The following ZNF654 variants were observed in gnomAD, a reference collection of about 807,000 sequenced individuals.
ZNF654 encodes melanoma-associated antigen.
ZNF654 carries 19 observed loss-of-function variants against 95.3 expected under a neutral mutation model. The observed-to-expected ratio is 0.20, with a 90% CI of 0.14 to 0.29. ZNF654 has a LOEUF of 0.29. Among genes scored for constraint, ZNF654 ranks in the 10% least tolerant of loss-of-function variants. ZNF654 has a pLI of 1.00. For synonymous variants in ZNF654, 413 were observed against 457.9 expected (o/e 0.90, Z 1.25); for missense variants, 1,046 against 1,341.0 (o/e 0.78, Z 3.44).
At position 88,087,629 on chromosome 3, in the gene ZNF654, T is replaced by C. The variant is rs138325221; in HGVS notation, c.332+1227T>C. ...GCGGAGCAAGTCACAGCTTCATCTG[T>C]TATTTATTTATACCTCAAATTGTAC... On this transcript the variant is annotated intron_variant, in intron 2 of 8. Coordinates refer to ENST00000636215, the MANE Select transcript of ZNF654 (RefSeq NM_001350134.2). 2.3e-3 allele frequency among the ~76,000 whole-genome samples: 353 copies of C among 152,356 alleles called. 2 individuals carry two copies. The highest frequency in any genetic ancestry group is 7.9e-3 in the African/African-American group (327 of 41,576).
intron 1 of ZNF654, among the ~76,000 whole-genome samples, chr3:88,070,429 C>CT (rs928226050): frequency 2.3e-4 from 34 of 145,434 alleles, no homozygotes; most frequent in East Asian, 1.6e-3. Flanking sequence ...ATCCAAATTT[C>CT]TTTTTTTTTT....
At position 88,143,919 on chromosome 3, in the gene ZNF654, T is replaced by C. The variant is rs551431283; in HGVS notation, c.*2267T>C. On this transcript the variant is annotated 3_prime_UTR_variant, in exon 9 of 9. Coordinates refer to ENST00000636215, the MANE Select transcript of ZNF654 (RefSeq NM_001350134.2). Reference sequence around the variant, plus strand: ...ACATAAACCTACATCATTTTGCTTTTATAGGGTGCATAAACTTCCAACAGT... The same window carrying C: ...ACATAAACCTACATCATTTTGCTTTCATAGGGTGCATAAACTTCCAACAGT... 6.6e-6 allele frequency: 1 copy of C among 152,174 alleles called. No homozygotes were observed. The highest frequency in any genetic ancestry group is 2.1e-4 in the South Asian group (1 of 4,826). The allele number at this position is 152,174 out of a possible 1,614,324, so 9.4% of individuals were successfully genotyped here.
At chr3:88,095,852 C>G (rs1442203142) in intron 2 of ZNF654, 1 of 459,364 alleles carries the variant, frequency 2.2e-6, no homozygotes, top group Non-Finnish European at 4.2e-6. Context: ...AAAAGCCTTT[C>G]CACTTCAGCA....
In ZNF654 at chr3:88,086,395, C is replaced by T. The variant is rs1338941470; in HGVS notation, c.325C>T (p.Leu109Phe). 1 of 1,523,806 alleles carries T rather than the reference C, an allele frequency of 6.6e-7. No individual in the cohort carries two copies. Among genetic ancestry groups the T allele is most frequent in the African/African-American group, 1.4e-5 (1 of 72,786 alleles). The allele number at this position is 1,523,806 out of a possible 1,614,324, so 94.4% of individuals were successfully genotyped here. ...CEHVQYVLSS[L>F]AVSFFELLLF... ...GCATGTACAATATGTTTTGAGTAGC[C>T]TTGCTGTGTAAGTACTTTTTACTTC... is the stretch of plus-strand genomic sequence containing the variant. Residue 109 changes from leucine to phenylalanine, a missense_variant, in exon 2 of 9, where the codon CTT (leucine) becomes TTT (phenylalanine). Coordinates refer to ENST00000636215, the MANE Select transcript of ZNF654 (RefSeq NM_001350134.2).
At position 88,144,003 on chromosome 3, in the gene ZNF654, T is replaced by C. The variant is rs1707245242; in HGVS notation, c.*2351T>C. ...TGCTTCTTATTCCTCAGATTCTTCT[T>C]TTTTTCTGTTTTGAGGATGTATTCA... On this transcript the variant is annotated 3_prime_UTR_variant, in exon 9 of 9. Coordinates refer to ENST00000636215, the MANE Select transcript of ZNF654 (RefSeq NM_001350134.2). The C allele has an allele frequency of 6.6e-6, 1 of 152,332 alleles. No homozygotes were observed. Among genetic ancestry groups the C allele is most frequent in the South Asian group, 2.1e-4 (1 of 4,830 alleles). The allele number at this position is 152,332 out of a possible 1,614,324, so 9.4% of individuals were successfully genotyped here.
chr3:88,059,562 C>T (rs1706719341), intron 1 of ZNF654, 57 bp downstream of exon 1: 1 of 1,444,652 alleles, frequency 6.9e-7, no homozygotes, highest in Non-Finnish European at 9.0e-7. Flanking sequence ...CTCTCTGCGT[C>T]TCCTGGTCTT....
rs972256062 is a variant in ZNF654 at position 88,059,284 on chromosome 3, C to G, written c.-36C>G. On this transcript the variant is annotated 5_prime_UTR_variant, in exon 1 of 9. Transcript: ENST00000636215. ...TAGGCATCTACGGCGGCGGCGGCGG[C>G]GCAGGGGCTGGTACGCGCTGGGCGG... 3.3e-6 allele frequency: 5 copies of G among 1,532,064 alleles called. No homozygotes were observed. The highest frequency in any genetic ancestry group is 4.4e-6 in the Non-Finnish European group (5 of 1,146,062). 94.9% of individuals were successfully genotyped at this position (1,532,064 alleles called of 1,614,324 possible). A position where few individuals can be genotyped will look rare whatever the true frequency, so the allele number is the denominator to read the frequency against.
chr3:88,112,303 TTAGG>T (rs1483583883), intron 2 of ZNF654, among the ~76,000 whole-genome samples: 8 of 151,942 alleles, frequency 5.3e-5, no homozygotes, highest in South Asian at 2.1e-4. Flanking sequence ...AAAAACAACT[TTAGG>T]TAGTTACACT....
At chr3:88,077,434 T>G (rs556173489) in intron 1 of ZNF654, among the ~76,000 whole-genome samples, 1 of 151,028 alleles carries the variant, frequency 6.6e-6, no homozygotes, top group African/African-American at 2.4e-5. Flanking sequence ...CCGGGTTCAC[T>G]CCACTCTCCT....
At chr3:88,136,128 C>T (rs1369439919) in intron 7 of ZNF654, among the ~76,000 whole-genome samples, 4 of 152,024 alleles carry the variant, frequency 2.6e-5, no homozygotes, top group African/African-American at 7.2e-5. Flanking sequence ...TTACAGAACA[C>T]GTCTTAACAT....
At chr3:88,108,715 C>A in intron 2 of ZNF654, among the ~76,000 whole-genome samples, 1 of 151,970 alleles carries the variant, frequency 6.6e-6, no homozygotes, top group Non-Finnish European at 1.5e-5. Context: ...TCAGGTAACC[C>A]TTATTTTACT....
At chr3:88,123,219 T>C (rs1450846637) in intron 3 of ZNF654, among the ~76,000 whole-genome samples, 2 of 152,128 alleles carry the variant, frequency 1.3e-5, no homozygotes, top group Non-Finnish European at 2.9e-5. Flanking sequence ...CTTTCTTCCT[T>C]TGTCTTTTTA....
Position 88,140,820 on chromosome 3 carries a change from T to C in ZNF654, c.3151T>C (p.Leu1051=), listed in dbSNP as rs371323682. The change falls in exon 8 of 9, where the codon TTG becomes CTG. Residue 1051 remains leucine (L), a synonymous_variant. Coordinates refer to ENST00000636215, the MANE Select transcript of ZNF654 (RefSeq NM_001350134.2). ...TTTAACAAAACCATACGTCAGACCA[T>C]TGCCTCCCAGTTACCTTGATGAACG... ...LILTKPYVRP[L]PPSYLDERYL... 2.5e-6 allele frequency: 4 copies of C among 1,613,630 alleles called. No homozygotes were observed. The highest frequency in any genetic ancestry group is 2.5e-6 in the Non-Finnish European group (3 of 1,179,702).
intron 2 of ZNF654, among the ~76,000 whole-genome samples, chr3:88,106,001 T>C (rs1444615933): frequency 6.6e-6 from 1 of 152,186 alleles, no homozygotes; most frequent in Non-Finnish European, 1.5e-5. Flanking sequence ...TCTAGCCTTC[T>C]TCCTCTCCAG....
intron 1 of ZNF654, among the ~76,000 whole-genome samples, chr3:88,085,594 T>C (rs754345159): frequency 1.3e-5 from 2 of 152,220 alleles, no homozygotes; most frequent in Non-Finnish European, 2.9e-5. Flanking sequence ...TTGATGTTTC[T>C]AAAATGTTTT....
chr3:88,127,053 A>T (rs766553224), intron 4 of ZNF654, among the ~76,000 whole-genome samples: 3 of 152,100 alleles, frequency 2.0e-5, no homozygotes, highest in Non-Finnish European at 4.4e-5. Flanking sequence ...AACATTTTGG[A>T]TCACCAAAAC....
intron 2 of ZNF654, among the ~76,000 whole-genome samples, chr3:88,089,244 CA>C (rs1211016868): frequency 6.8e-6 from 1 of 147,228 alleles, no homozygotes; most frequent in Non-Finnish European, 1.5e-5. Context: ...GTAATCCCAG[CA>C]CTTTGGGAGG....
At chr3:88,107,574 T>C (rs1158576759) in intron 2 of ZNF654, among the ~76,000 whole-genome samples, 1 of 152,184 alleles carries the variant, frequency 6.6e-6, no homozygotes, top group Non-Finnish European at 1.5e-5. Context: ...AGTTAATGTC[T>C]TTGCCACATT....
chr3:88,110,440 C>T (rs1489845984), intron 2 of ZNF654, among the ~76,000 whole-genome samples: 1 of 152,046 alleles, frequency 6.6e-6, no homozygotes, highest in Non-Finnish European at 1.5e-5. Flanking sequence ...TATATATTGG[C>T]ACTGATCATT....
Sources: allele counts gnomAD v4.1 joint callset (sites outside exome capture counted in the v4.1 genomes callset), GRCh38; gene constraint gnomAD v4.1.1; transcripts MANE v1.5; gene names NCBI Gene and HGNC (gene_info 2026-07-23, HGNC 2026-07-21).